Variants in FUT8 observed in about 807,000 individuals in gnomAD.
FUT8 encodes the protein fucosyltransferase 8.
A neutral mutation model predicts 71.3 loss-of-function variants in FUT8; 29 were observed. The observed-to-expected ratio is 0.41, with a 90% confidence interval of 0.30 to 0.55. The LOEUF (loss-of-function observed/expected upper bound fraction) is 0.55, where lower values mean the gene tolerates loss of function less well. Ranked by LOEUF, FUT8 falls within the 20% of genes least tolerant of loss-of-function variation. FUT8 has a pLI of 0.34. For synonymous variants in FUT8, 254 were observed against 239.3 expected (o/e 1.06, Z -0.57); for missense variants, 544 against 702.1 (o/e 0.77, Z 2.55).
chr14:65,515,410 A>T (rs1882643184), intron 2 of FUT8, among the ~76,000 whole-genome samples: 1 of 152,116 alleles, frequency 6.6e-6, no homozygotes. Context: ...AGGGATATTC[A>T]TAGAGCAGTA....
chr14:65,724,868 C>T (rs558970956), intron 9 of FUT8, among the ~76,000 whole-genome samples: 1 of 152,154 alleles, frequency 6.6e-6, no homozygotes, highest in Non-Finnish European at 1.5e-5. Flanking sequence ...ACACTAATCT[C>T]ATCATGAGGG....
At chr14:65,414,866 A>G (rs2065195785) in intron 1 of FUT8, among the ~76,000 whole-genome samples, 1 of 152,208 alleles carries the variant, frequency 6.6e-6, no homozygotes, top group South Asian at 2.1e-4. Flanking sequence ...GTGTAATAGG[A>G]TAGTGATTCA....
At chr14:65,443,812 T>C (rs1474877835) in intron 1 of FUT8, among the ~76,000 whole-genome samples, 1 of 152,078 alleles carries the variant, frequency 6.6e-6, no homozygotes, top group Non-Finnish European at 1.5e-5. Flanking sequence ...TGACTTAATA[T>C]TGGTATGCTT....
chr14:65,358,601 A>G, the FUT8 span, among the ~76,000 whole-genome samples: 1 of 152,038 alleles, frequency 6.6e-6, no homozygotes, highest in South Asian at 2.1e-4. Context: ...CTACAGGTGC[A>G]TGCCCGGCTA....
intron 3 of FUT8, among the ~76,000 whole-genome samples, chr14:65,600,654 A>G (rs575707415): frequency 6.6e-6 from 1 of 152,294 alleles, no homozygotes; most frequent in South Asian, 2.1e-4. Context: ...CATGGGTTTC[A>G]TGGGGACTAG....
In FUT8 at chr14:65,602,339, TCTCTCACACACACACACACACACACA is replaced by T. The variant is rs1424098213; in HGVS notation, c.204-13637_204-13612del. Among the ~76,000 whole-genome samples, 29 of 88,264 alleles carry T rather than the reference TCTCTCACACACACACACACACACACA, an allele frequency of 3.3e-4. 1 individual carries two copies. The highest frequency in any genetic ancestry group is 2.3e-3 in the South Asian group (5 of 2,142). The allele number at this position is 88,264 out of a possible 152,430, so 57.9% of individuals were successfully genotyped here. A position where few individuals can be genotyped will look rare whatever the true frequency, so the allele number is the denominator to read the frequency against. On this transcript the variant is annotated intron_variant, in intron 3 of 10. Transcript: ENST00000673929. The stretch of plus-strand genomic sequence containing the variant: ...ATTTTCATGGCCGAGTAGCGTTCCA[TCTCTCACACACACACACACACACACA>T]CACACACACACACACACACACACAC...
At chr14:65,446,605 A>T (rs897061770) in intron 1 of FUT8, among the ~76,000 whole-genome samples, 1 of 150,068 alleles carries the variant, frequency 6.7e-6, no homozygotes, top group Non-Finnish European at 1.5e-5. Context: ...TAAATACTTG[A>T]TTCTTTATTT....
At chr14:65,721,741 A>G in intron 7 of FUT8, 34 bp from the exon 8 acceptor site, 1 of 1,610,034 alleles carries the variant, frequency 6.2e-7, no homozygotes, top group Non-Finnish European at 8.5e-7. Context: ...AAGGAATACC[A>G]TGTGGTAATG....
chr14:65,585,703 A>G (rs1186334851), intron 3 of FUT8, among the ~76,000 whole-genome samples: 2 of 152,240 alleles, frequency 1.3e-5, no homozygotes, highest in Non-Finnish European at 2.9e-5. Flanking sequence ...TTGTTAAACA[A>G]CAGTGAAGAT....
rs552176005 is a variant in FUT8, at chr14:65,742,256, C to G, written c.1574C>G (p.Pro525Arg). 3 of 1,612,932 alleles carry G rather than the reference C, an allele frequency of 1.9e-6. No homozygotes were observed. The highest frequency in any genetic ancestry group is 2.5e-6 in the Non-Finnish European group (3 of 1,179,380). Residue 525 changes from proline (P) to arginine (R), a missense_variant, in exon 11 of 11, where the codon CCT becomes CGT. Pro to Arg is a moderately radical substitution (Grantham distance 103). Coordinates refer to ENST00000673929, the MANE Select transcript of FUT8 (RefSeq NM_001371533.1). ...PRTADEIPME[P>R]GDIIGVAGNH... is the part of the protein sequence containing the mutation. Reference sequence around the variant, plus strand: ...ACTGCAGATGAAATTCCCATGGAACCTGGAGATATCATTGGTGTGGCTGGA... The same window carrying G: ...ACTGCAGATGAAATTCCCATGGAACGTGGAGATATCATTGGTGTGGCTGGA...
chr14:65,690,057 T>C (rs569587617), intron 7 of FUT8, among the ~76,000 whole-genome samples: 2 of 152,342 alleles, frequency 1.3e-5, no homozygotes, highest in African/African-American at 4.8e-5. Flanking sequence ...AATGTCTAGA[T>C]TCTATACCCT....
rs942432565 is a variant in FUT8, at chr14:65,603,186, C to T, written c.204-12792C>T. On this transcript the variant is annotated intron_variant, in intron 3 of 10. Coordinates refer to ENST00000673929, the MANE Select transcript of FUT8 (RefSeq NM_001371533.1). The surrounding 1 kb of genome is among the most constrained non-coding windows in gnomAD (Gnocchi z 4.5). ...AGGTGAGAGATGAGGTTTTATTCTG[C>T]TACATGTGGCTTGCCAGTTATCCTG... Among the ~76,000 whole-genome samples the T allele has an allele frequency of 6.6e-6, 1 of 151,906 alleles. No homozygotes were observed. The highest frequency in any genetic ancestry group is 2.4e-5 in the African/African-American group (1 of 41,404).
At chr14:65,715,160 CT>C (rs1327957332) in intron 7 of FUT8, among the ~76,000 whole-genome samples, 2 of 152,200 alleles carry the variant, frequency 1.3e-5, no homozygotes, top group African/African-American at 4.8e-5. Context: ...TGTTCCAGAT[CT>C]TAGAGAAGTG....
chr14:65,679,290 T>G (rs1892920161), intron 7 of FUT8, among the ~76,000 whole-genome samples: 1 of 152,194 alleles, frequency 6.6e-6, no homozygotes, highest in Non-Finnish European at 1.5e-5. Context: ...TGTTCCTCTT[T>G]TCTAGATTAG....
At chr14:65,701,083 A>C (rs181360446) in intron 7 of FUT8, among the ~76,000 whole-genome samples, 17 of 152,334 alleles carry the variant, frequency 1.1e-4, no homozygotes, top group Admixed American at 1.0e-3. Flanking sequence ...TGTTAATTTT[A>C]ATGATAATCA....
At chr14:65,636,917 A>G (rs144909755) in intron 6 of FUT8, among the ~76,000 whole-genome samples, 110 of 152,346 alleles carry the variant, frequency 7.2e-4, no homozygotes, top group African/African-American at 2.4e-3. Context: ...AAAAGATTAT[A>G]ATACTCGGAT....
intron 3 of FUT8, among the ~76,000 whole-genome samples, chr14:65,593,010 T>C (rs552507795): frequency 6.6e-6 from 1 of 152,306 alleles, no homozygotes; most frequent in South Asian, 2.1e-4. Flanking sequence ...CTTCACATCC[T>C]CTGAGATCAT....
chr14:65,666,308 T>C (rs901744303), intron 6 of FUT8, among the ~76,000 whole-genome samples: 2 of 152,080 alleles, frequency 1.3e-5, no homozygotes, highest in Non-Finnish European at 2.9e-5. Flanking sequence ...TATTTTATGA[T>C]TTTTGGTACT....
At position 65,460,258 on chromosome 14, in the gene FUT8, A is replaced by G. The variant is rs2065951762; in HGVS notation, c.-228+4540A>G. ...GTACTGATAGCTTTTGTTGGGGGCTATCTTTTTCAAAGAAATCTGTTTAGC... is the reference window on the plus strand; with the variant it reads ...GTACTGATAGCTTTTGTTGGGGGCTGTCTTTTTCAAAGAAATCTGTTTAGC... On this transcript the variant is annotated intron_variant, in intron 2 of 10. Coordinates refer to ENST00000673929, the MANE Select transcript of FUT8 (RefSeq NM_001371533.1). 2.6e-5 allele frequency among the ~76,000 whole-genome samples: 4 copies of G among 152,342 alleles called. No individual in the cohort carries two copies. In the South Asian group the frequency reaches 8.3e-4, roughly 32 times the overall value.
Sources: gnomAD v4.1 joint callset for allele counts (sites outside exome capture counted in the v4.1 genomes callset) on GRCh38, gnomAD v4.1.1 for gene constraint, Gnocchi (gnomAD v3.1) non-coding constraint, MANE v1.5 for transcripts, NCBI Gene and HGNC (gene_info 2026-07-23, HGNC 2026-07-21) for gene names.